HAGH: variants seen among roughly 807,000 people sequenced by gnomAD.
The protein encoded by HAGH is hydroxyacylglutathione hydrolase.
A neutral mutation model predicts 35.1 loss-of-function variants in HAGH; 29 were observed. The ratio of observed to expected loss-of-function variants is 0.83; its 90% CI spans 0.62 to 1.13. HAGH has a LOEUF of 1.13. HAGH is among the 50% of genes most tolerant of loss of function. HAGH has a pLI of 0.00. For missense variants in HAGH, 478 were observed against 419.6 expected (o/e 1.14, Z -1.22); for synonymous variants, 225 against 176.1 (o/e 1.28, Z -2.20).
chr16:1,817,904 G>A (rs1199907352), intron 5 of HAGH, among the ~76,000 whole-genome samples: 1 of 152,228 alleles, frequency 6.6e-6, no homozygotes, highest in Non-Finnish European at 1.5e-5. Context: ...TCCCCTGAGA[G>A]GAGGGTGCCC....
In HAGH at chr16:1,808,228, C is replaced by T. The variant is rs1319877200; in HGVS notation, c.*1055G>A. 2 of 152,238 alleles carry T rather than the reference C, an allele frequency of 1.3e-5. No individual in the cohort carries two copies. Among genetic ancestry groups the T allele is most frequent in the African/African-American group, 2.4e-5 (1 of 41,454 alleles). 9.4% of individuals were successfully genotyped at this position (152,238 alleles called of 1,614,324 possible). A position where few individuals can be genotyped will look rare whatever the true frequency, so the allele number is the denominator to read the frequency against. ...GCTCAAGCGATCCTCCTGCCTCAGC[C>T]TCCTGAGTAGCTAGGACTACAGCTG... On this transcript the variant is annotated 3_prime_UTR_variant, in exon 9 of 9. Coordinates refer to ENST00000397356, the MANE Select transcript of HAGH (RefSeq NM_005326.6).
At position 1,820,006 on chromosome 16, in the gene HAGH, G is replaced by T. The variant is rs1237857978; in HGVS notation, c.323C>A (p.Ala108Asp). Residue 108 changes from alanine to aspartate, a missense_variant, in exon 4 of 9, where the codon GCT becomes GAT. Ala to Asp is a moderately radical substitution (Grantham distance 126). Coordinates refer to ENST00000397356, the MANE Select transcript of HAGH (RefSeq NM_005326.6). ...VLTTHHHWDH[A>D]GGNEKLVKLE... ...CTTGACCAGTTTCTCATTCCCGCCA[G>T]CATGGTCCCTAGAAGTCAAACAGGA... 1 of 1,609,784 alleles carries T rather than the reference G, an allele frequency of 6.2e-7. No homozygotes were observed. The highest frequency in any genetic ancestry group is 1.7e-5 in the Admixed American group (1 of 59,876).
intron 5 of HAGH, among the ~76,000 whole-genome samples, chr16:1,818,149 C>A (rs368829600): frequency 5.3e-5 from 8 of 152,172 alleles, no homozygotes; most frequent in African/African-American, 1.7e-4. Flanking sequence ...GGGCCTGGGG[C>A]TTCTGCTCCA....
chr16:1,815,308 A>T (rs1897842355), intron 7 of HAGH, among the ~76,000 whole-genome samples: 1 of 152,202 alleles, frequency 6.6e-6, no homozygotes, highest in Non-Finnish European at 1.5e-5. Context: ...ACCACACAAC[A>T]CAGCAATTCC....
rs1033135426 is a variant in HAGH, at chr16:1,809,153, G to A, written c.*130C>T. The A allele has an allele frequency of 1.5e-5, 10 of 658,860 alleles. No individual in the cohort carries two copies. Among genetic ancestry groups the A allele is most frequent in the African/African-American group, 3.6e-5 (2 of 55,610 alleles). 40.8% of individuals were successfully genotyped at this position (658,860 alleles called of 1,614,324 possible). A position where few individuals can be genotyped will look rare whatever the true frequency, so the allele number is the denominator to read the frequency against. On this transcript the variant is annotated 3_prime_UTR_variant, in exon 9 of 9. Coordinates refer to ENST00000397356, the MANE Select transcript of HAGH (RefSeq NM_005326.6). ...TTCTCTTATAAATATGCATTAGAAT[G>A]TCCGATAACACAAGCCAAGGGCTGT...
rs890558093 is a variant in HAGH, at chr16:1,809,050, G to A, written c.*233C>T. The A allele has an allele frequency of 2.9e-5, 14 of 484,642 alleles. No homozygotes were observed. The highest frequency in any genetic ancestry group is 2.0e-4 in the African/African-American group (10 of 51,264). The allele number at this position is 484,642 out of a possible 1,614,324, so 30.0% of individuals were successfully genotyped here. Reference sequence around the variant, plus strand: ...GGCTCACGGAGGAGGAAGGAGGCCCGAGGGGACAAGCAGAGGCCTAAAGGC... The same window carrying A: ...GGCTCACGGAGGAGGAAGGAGGCCCAAGGGGACAAGCAGAGGCCTAAAGGC... On this transcript the variant is annotated 3_prime_UTR_variant, in exon 9 of 9. Transcript: ENST00000397356.
intron 3 of HAGH, chr16:1,821,612 C>T (rs547691154): frequency 6.6e-6 from 1 of 152,324 alleles, no homozygotes; most frequent in South Asian, 2.1e-4. Flanking sequence ...TTTTAAAAAC[C>T]CAACCTCTCC....
chr16:1,822,033 C>T (rs534670279), intron 3 of HAGH: 40 of 429,808 alleles, frequency 9.3e-5, no homozygotes, highest in African/African-American at 5.7e-4. Flanking sequence ...GGCACAAACC[C>T]GCATGGCCCA....
At chr16:1,820,082 C>G (rs1898086916) in intron 3 of HAGH, 68 bp from the exon 4 acceptor site, 2 of 789,010 alleles carry the variant, frequency 2.5e-6, no homozygotes, top group Non-Finnish European at 4.4e-6. Flanking sequence ...GCTGAGGGGG[C>G]TGCCTGCTGA....
chr16:1,813,582 A>G (rs755148412), intron 7 of HAGH, among the ~76,000 whole-genome samples: 1 of 152,230 alleles, frequency 6.6e-6, no homozygotes, highest in Non-Finnish European at 1.5e-5. Flanking sequence ...GAGAAAAGCT[A>G]AAGACATTCA....
Position 1,826,722 on chromosome 16 carries a change from G to T in HAGH, c.66C>A (p.Arg22=), listed in dbSNP as rs535021955. ...CCCCGCCGCACCCACCGAGGCCTCG[G>T]CGGGCGCAGGCGGCTCCCAGCGCGG... ...SLAALGAACA[R]RGLGPALLGV... is the part of the protein sequence containing the mutation. Residue 22 remains arginine (R), a synonymous_variant, in exon 1 of 9, where the codon CGC becomes CGA. Transcript: ENST00000397356. 1.7e-6 allele frequency: 2 copies of T among 1,146,266 alleles called. No homozygotes were observed. Among genetic ancestry groups the T allele is most frequent in the African/African-American group, 3.3e-5 (2 of 61,164 alleles). The allele number at this position is 1,146,266 out of a possible 1,614,324, so 71.0% of individuals were successfully genotyped here. A position where few individuals can be genotyped will look rare whatever the true frequency, so the allele number is the denominator to read the frequency against.
intron 7 of HAGH, chr16:1,812,459 G>A (rs546717070): frequency 1.0e-3 from 150 of 149,586 alleles, no homozygotes; most frequent in African/African-American, 3.6e-3. Context: ...AGCCGAGATC[G>A]CGCCATTGCA....
chr16:1,812,790 C>T lies in HAGH; in HGVS notation c.748-2957G>A, dbSNP rs534373384. ...AGATACTGCTAAGAAAACCAGAGGC[C>T]GCAGAATGGGAGGCGCCCTGCAGGA... On this transcript the variant is annotated intron_variant, in intron 7 of 8. Coordinates refer to ENST00000397356, the MANE Select transcript of HAGH (RefSeq NM_005326.6). Among the ~76,000 whole-genome samples, 74 of 152,242 alleles carry T rather than the reference C, an allele frequency of 4.9e-4. 1 individual carries two copies. The highest frequency in any genetic ancestry group is 1.7e-3 in the African/African-American group (70 of 41,566).
In HAGH at chr16:1,808,944, A is replaced by C; in HGVS notation, c.*339T>G. ...TACCGACCGCAGCAGTGGGCCTGAC[A>C]GTCCCATCAGCACCCAGCCAAGGCC... On this transcript the variant is annotated 3_prime_UTR_variant, in exon 9 of 9. Transcript: ENST00000397356. 3.6e-6 allele frequency: 1 copy of C among 276,194 alleles called. No individual in the cohort carries two copies. Among genetic ancestry groups the C allele is most frequent in the Non-Finnish European group, 6.9e-6 (1 of 145,878 alleles). 17.1% of individuals were successfully genotyped at this position (276,194 alleles called of 1,614,324 possible). A position where few individuals can be genotyped will look rare whatever the true frequency, so the allele number is the denominator to read the frequency against.
At chr16:1,823,608 T>C (rs1037565548) in intron 1 of HAGH, among the ~76,000 whole-genome samples, 5 of 151,318 alleles carry the variant, frequency 3.3e-5, no homozygotes, top group Admixed American at 1.3e-4. Flanking sequence ...CCAGGCATGG[T>C]GGTGCATGCC....
chr16:1,826,255 C>A (rs1898410144), intron 1 of HAGH, among the ~76,000 whole-genome samples: 2 of 151,536 alleles, frequency 1.3e-5, no homozygotes. Flanking sequence ...GGTCCCCAGA[C>A]GGGGGCTCCG....
intron 7 of HAGH, chr16:1,812,220 G>C (rs1596912576): frequency 1.7e-5 from 2 of 118,694 alleles, no homozygotes; most frequent in South Asian, 5.3e-4. Flanking sequence ...AAAAAAGAAT[G>C]ACAGGCCAGG....
In HAGH at chr16:1,819,949, T is replaced by C; in HGVS notation, c.380A>G (p.Asp127Gly). 1 of 1,613,554 alleles carries C rather than the reference T, an allele frequency of 6.2e-7. No individual in the cohort carries two copies. The part of the protein sequence containing the change: ...LESGLKVYGG[D>G]DRIGALTHKI... Reference sequence around the variant, plus strand: ...GTGAGTCAGGGCCCCGATACGGTCGTCACCCCCGTACACCTTCAGTCCCGA... The same window carrying C: ...GTGAGTCAGGGCCCCGATACGGTCGCCACCCCCGTACACCTTCAGTCCCGA... The change falls in exon 4 of 9, where the codon GAC becomes GGC. Residue 127 changes from aspartate to glycine, a missense_variant. Transcript: ENST00000397356.
chr16:1,813,160 C>A (rs1437946474), intron 7 of HAGH, among the ~76,000 whole-genome samples: 1 of 152,158 alleles, frequency 6.6e-6, no homozygotes, highest in African/African-American at 2.4e-5. Flanking sequence ...CGGCTTGGTG[C>A]CCTGCTCCAA....
Sources: gnomAD v4.1 joint callset for allele counts (sites outside exome capture counted in the v4.1 genomes callset) on GRCh38, gnomAD v4.1.1 for gene constraint, MANE v1.5 for transcripts, NCBI Gene and HGNC (gene_info 2026-07-23, HGNC 2026-07-21) for gene names.